DLC1: variants seen among roughly 807,000 people sequenced by gnomAD.
DLC1 encodes DLC1 Rho GTPase activating protein, also known as rho GTPase-activating protein 7.
Under a neutral mutation model 140.3 loss-of-function variants are expected in DLC1, and 54 were observed. The observed-to-expected ratio is 0.38, with a 90% CI of 0.31 to 0.48. The LOEUF (loss-of-function observed/expected upper bound fraction) is 0.48. DLC1 is among the 20% of genes least tolerant of loss of function. The pLI is 0.96. For missense variants in DLC1, 2,536 were observed against 1,907.0 expected (o/e 1.33, Z -6.14); for synonymous variants, 986 against 728.1 (o/e 1.35, Z -5.70).
intron 5 of DLC1, among the ~76,000 whole-genome samples, chr8:13,222,802 G>A (rs1197100741): frequency 6.6e-6 from 1 of 152,094 alleles, no homozygotes; most frequent in Non-Finnish European, 1.5e-5. Flanking sequence ...GGAGTGCAGC[G>A]ATGCAATCAT....
intron 5 of DLC1, among the ~76,000 whole-genome samples, chr8:13,161,485 C>G (rs1457553868): frequency 6.6e-6 from 1 of 152,072 alleles, no homozygotes; most frequent in Non-Finnish European, 1.5e-5. Flanking sequence ...GGACTACAGG[C>G]ACGCACCACC....
chr8:13,508,253 C>G (rs1374634357), intron 1 of DLC1, among the ~76,000 whole-genome samples: 2 of 152,162 alleles, frequency 1.3e-5, no homozygotes, highest in Non-Finnish European at 2.9e-5. Flanking sequence ...TGGAGATTCT[C>G]TTAACATTTT....
chr8:13,221,611 T>C (rs1828551804), intron 5 of DLC1, among the ~76,000 whole-genome samples: 1 of 150,540 alleles, frequency 6.6e-6, no homozygotes, highest in Non-Finnish European at 1.5e-5. Flanking sequence ...CCTCAAGTGA[T>C]CTGCCCTCCT....
At chr8:13,467,453 C>A (rs1390172052) in intron 2 of DLC1, among the ~76,000 whole-genome samples, 2 of 149,532 alleles carry the variant, frequency 1.3e-5, no homozygotes, top group Non-Finnish European at 3.0e-5. Context: ...TCTTATATTC[C>A]TTTTTTTTTC....
chr8:13,496,777 G>A lies in DLC1; in HGVS notation c.1023+2272C>T, dbSNP rs1801523589. ...TAGATAAATAATTAACAAATTCTTAGACCATTTCCTTTTTTTTTTTTTTTT... is the reference window on the plus strand; with the variant it reads ...TAGATAAATAATTAACAAATTCTTAAACCATTTCCTTTTTTTTTTTTTTTT... On this transcript the variant is annotated intron_variant, in intron 2 of 17. Transcript: ENST00000276297. Among the ~76,000 whole-genome samples, 2 of 127,452 alleles carry A rather than the reference G, an allele frequency of 1.6e-5. 1 individual carries two copies. The highest frequency in any genetic ancestry group is 5.4e-4 in the South Asian group (2 of 3,674). The allele number at this position is 127,452 out of a possible 152,430, so 83.6% of individuals were successfully genotyped here. A position where few individuals can be genotyped will look rare whatever the true frequency, so the allele number is the denominator to read the frequency against.
intron 5 of DLC1, among the ~76,000 whole-genome samples, chr8:13,184,244 T>C (rs1826214162): frequency 6.6e-6 from 1 of 152,234 alleles, no homozygotes; most frequent in Non-Finnish European, 1.5e-5. Flanking sequence ...CTATCAATTT[T>C]GTTGATCTTT....
intron 5 of DLC1, among the ~76,000 whole-genome samples, chr8:13,185,395 T>C (rs555635762): frequency 4.6e-5 from 7 of 151,780 alleles, no homozygotes; most frequent in African/African-American, 1.7e-4. Flanking sequence ...GAAAGCTCCA[T>C]CTCCTGGGTT....
At chr8:13,478,310 G>A (rs1044019728) in intron 2 of DLC1, among the ~76,000 whole-genome samples, 1 of 152,078 alleles carries the variant, frequency 6.6e-6, no homozygotes, top group Non-Finnish European at 1.5e-5. Flanking sequence ...GAACTCAGAA[G>A]AACTCACTCA....
intron 12 of DLC1, among the ~76,000 whole-genome samples, chr8:13,094,083 G>T (rs1264120628): frequency 6.6e-6 from 1 of 152,144 alleles, no homozygotes; most frequent in African/African-American, 2.4e-5. Context: ...CCCTCCAAGA[G>T]GGGTGTGAAG....
chr8:13,575,590 T>TA (rs1049581179), intron 1 of DLC1, among the ~76,000 whole-genome samples: 21 of 149,262 alleles, frequency 1.4e-4, no homozygotes, highest in South Asian at 6.4e-4. Flanking sequence ...CTGTTAAACA[T>TA]AAAAAAAAAA....
intron 4 of DLC1, among the ~76,000 whole-genome samples, chr8:13,328,811 C>T (rs899294121): frequency 6.6e-6 from 1 of 152,080 alleles, no homozygotes; most frequent in African/African-American, 2.4e-5. Flanking sequence ...AGTGTGATGT[C>T]ACAGAAGCGG....
chr8:13,091,118 G>A lies in DLC1; in HGVS notation c.3855+200C>T, dbSNP rs151103947. The stretch of plus-strand genomic sequence containing the variant: ...CCACTGCGCCCGGCTGCTTTTCCAA[G>A]TAAAGGGACAATTTCATTAAACATG... On this transcript the variant is annotated intron_variant, in intron 14 of 17. Transcript: ENST00000276297. Among the ~76,000 whole-genome samples, 509 of 152,134 alleles carry A rather than the reference G, an allele frequency of 3.3e-3. 5 individuals are homozygous for A. The highest frequency in any genetic ancestry group is 0.012 in the African/African-American group (486 of 41,516).
At chr8:13,203,888 T>G (rs183951395) in intron 5 of DLC1, among the ~76,000 whole-genome samples, 255 of 152,280 alleles carry the variant, frequency 1.7e-3, no homozygotes, top group Non-Finnish European at 3.2e-3. Context: ...TCCTTGGAAG[T>G]GTCATTTATG....
At chr8:13,096,579 C>A (rs1322578083) in intron 10 of DLC1, among the ~76,000 whole-genome samples, 1 of 150,614 alleles carries the variant, frequency 6.6e-6, no homozygotes, top group Non-Finnish European at 1.5e-5. Context: ...ACATTACGAT[C>A]CCCACCGAGA....
rs3066465 is a variant in DLC1, at chr8:13,552,111, GTATATATA to G, written c.-125-51923_-125-51916del. Reference sequence around the variant, plus strand: ...TATATGTATGTACCTGTCTAGAGGTGTATATATATATATATATATATATATATATATCT... The same window carrying G: ...TATATGTATGTACCTGTCTAGAGGTGTATATATATATATATATATATATCT... On this transcript the variant is annotated intron_variant, in intron 1 of 1. Coordinates refer to the DLC1 transcript ENST00000631382. 4.1e-3 allele frequency among the ~76,000 whole-genome samples: 226 copies of G among 54,528 alleles called. 4 individuals carry two copies. Among genetic ancestry groups the G allele is most frequent in the African/African-American group, 0.01 (134 of 13,318 alleles). The allele number at this position is 54,528 out of a possible 152,430, so 35.8% of individuals were successfully genotyped here. A position where few individuals can be genotyped will look rare whatever the true frequency, so the allele number is the denominator to read the frequency against.
intron 7 of DLC1, among the ~76,000 whole-genome samples, chr8:13,105,993 A>T (rs1467735407): frequency 6.6e-6 from 1 of 152,220 alleles, no homozygotes; most frequent in Non-Finnish European, 1.5e-5. Context: ...TCCGTCCAGA[A>T]GCCTGGGCCT....
chr8:13,566,973 C>T, intron 1 of DLC1: 1 of 1,527,178 alleles, frequency 6.5e-7, no homozygotes, highest in Non-Finnish European at 8.8e-7. Flanking sequence ...AGATGAGGAG[C>T]CGAGCCTGAT....
intron 2 of DLC1, among the ~76,000 whole-genome samples, chr8:13,420,453 C>T (rs1838264032): frequency 6.6e-6 from 1 of 152,010 alleles, no homozygotes; most frequent in African/African-American, 2.4e-5. Context: ...AGGTTTGTTA[C>T]ATAGGTATAC....
intron 2 of DLC1, among the ~76,000 whole-genome samples, chr8:13,433,582 C>T (rs893835942): frequency 1.3e-5 from 2 of 152,146 alleles, no homozygotes; most frequent in African/African-American, 4.8e-5. Flanking sequence ...CTCAAAGTGG[C>T]AAGAAACTGA....
Sources: gnomAD v4.1 joint callset for allele counts (sites outside exome capture counted in the v4.1 genomes callset) on GRCh38, gnomAD v4.1.1 for gene constraint, MANE v1.5 for transcripts, NCBI Gene and HGNC (gene_info 2026-07-23, HGNC 2026-07-21) for gene names.